Variants in CACNA1E observed in about 807,000 individuals in gnomAD.
CACNA1E encodes voltage-dependent R-type calcium channel subunit alpha-1E.
In CACNA1E, 40 loss-of-function variants were observed where a neutral mutation model predicts 259.2. The ratio of observed to expected loss-of-function variants is 0.15; its 90% CI spans 0.12 to 0.20. CACNA1E has a LOEUF of 0.20. Among genes scored for constraint, CACNA1E ranks in the 10% least tolerant of loss-of-function variants. The probability of loss-of-function intolerance (pLI) is 1.00; values close to 1 mark genes in which losing one functional copy is unlikely to be tolerated. For missense variants in CACNA1E, 1,874 were observed against 3,040.1 expected, an observed-to-expected ratio of 0.62 and a Z score of 9.02; for synonymous variants, 1,104 against 1,138.5, an observed-to-expected ratio of 0.97 and a Z score of 0.61.
At chr1:181,680,918 A>G (rs1214301198) in intron 7 of CACNA1E, among the ~76,000 whole-genome samples, 2 of 152,212 alleles carry the variant, frequency 1.3e-5, no homozygotes, top group Admixed American at 1.3e-4. Flanking sequence ...GGTGTCACAC[A>G]GGGACTCAGG....
At chr1:181,496,025 G>A (rs1008794058) in intron 1 of CACNA1E, among the ~76,000 whole-genome samples, 7 of 152,184 alleles carry the variant, frequency 4.6e-5, no homozygotes, top group African/African-American at 1.7e-4. Flanking sequence ...CACAGTAAGA[G>A]CTGGAGGCCT....
At chr1:181,542,435 C>T (rs1668655092) in intron 3 of CACNA1E, among the ~76,000 whole-genome samples, 1 of 152,142 alleles carries the variant, frequency 6.6e-6, no homozygotes, top group African/African-American at 2.4e-5. Context: ...ACCCAAATCT[C>T]ATCTTGAATT....
At chr1:181,685,045 G>C (rs1057340341) in intron 7 of CACNA1E, among the ~76,000 whole-genome samples, 1 of 151,966 alleles carries the variant, frequency 6.6e-6, no homozygotes, top group Non-Finnish European at 1.5e-5. Flanking sequence ...TTTTCAAACT[G>C]TAAAGTGGCT....
intron 1 of CACNA1E, among the ~76,000 whole-genome samples, chr1:181,322,499 G>A (rs1043800340): frequency 6.6e-6 from 1 of 152,170 alleles, no homozygotes; most frequent in Admixed American, 6.5e-5. Flanking sequence ...TTGTTTATGT[G>A]CAAATAAAGT....
chr1:181,343,501 G>A (rs545116475), intron 1 of CACNA1E, among the ~76,000 whole-genome samples: 5 of 151,896 alleles, frequency 3.3e-5, no homozygotes, highest in East Asian at 2.0e-4. Flanking sequence ...CCCTTCTACC[G>A]TGACTGTAAG....
intron 1 of CACNA1E, among the ~76,000 whole-genome samples, chr1:181,349,802 G>T (rs906201592): frequency 1.6e-4 from 24 of 152,074 alleles, no homozygotes; most frequent in Non-Finnish European, 2.6e-4. Context: ...GGGTATTGTG[G>T]ACAAGCCTCC....
chr1:181,515,829 C>T (rs775522220), intron 3 of CACNA1E, among the ~76,000 whole-genome samples: 1 of 152,196 alleles, frequency 6.6e-6, no homozygotes, highest in Non-Finnish European at 1.5e-5. Flanking sequence ...ATGCCCAGTG[C>T]CTGGCATATA....
At chr1:181,768,996 A>G (rs1490224719) in intron 35 of CACNA1E, among the ~76,000 whole-genome samples, 1 of 152,256 alleles carries the variant, frequency 6.6e-6, no homozygotes, top group African/African-American at 2.4e-5. Context: ...GGACCTTTGC[A>G]GAAGAATCGG....
intron 6 of CACNA1E, among the ~76,000 whole-genome samples, chr1:181,582,153 G>T (rs1162911309): frequency 6.6e-6 from 1 of 152,220 alleles, no homozygotes; most frequent in Non-Finnish European, 1.5e-5. Flanking sequence ...CTGAAGCTTT[G>T]CAGAAAAGAG....
chr1:181,525,558 T>A (rs927784378), intron 3 of CACNA1E, among the ~76,000 whole-genome samples: 1 of 152,256 alleles, frequency 6.6e-6, no homozygotes, highest in South Asian at 2.1e-4. Context: ...TGGATATCAC[T>A]ACTGGTTAAC....
intron 6 of CACNA1E, among the ~76,000 whole-genome samples, chr1:181,585,559 G>A (rs1045501426): frequency 6.6e-6 from 1 of 152,210 alleles, no homozygotes; most frequent in African/African-American, 2.4e-5. Context: ...GATAGTGATA[G>A]ATGCTGTGGA....
chr1:181,487,838 C>T (rs1419704962), intron 1 of CACNA1E, among the ~76,000 whole-genome samples: 2 of 152,174 alleles, frequency 1.3e-5, no homozygotes, highest in African/African-American at 4.8e-5. Context: ...GGCTTGGAGA[C>T]TCTATGCCAG....
At chr1:181,646,453 G>T (rs1211892253) in intron 6 of CACNA1E, among the ~76,000 whole-genome samples, 1 of 152,274 alleles carries the variant, frequency 6.6e-6, no homozygotes, top group East Asian at 1.9e-4. Flanking sequence ...TCTGGAGCAG[G>T]TGTTCCCCAG....
chr1:181,405,713 C>T (rs1657416232), intron 1 of CACNA1E, among the ~76,000 whole-genome samples: 1 of 152,224 alleles, frequency 6.6e-6, no homozygotes, highest in Admixed American at 6.5e-5. Context: ...TACTACATTT[C>T]TGCTCTCCAG....
chr1:181,545,519 G>A (rs142926710), intron 3 of CACNA1E, among the ~76,000 whole-genome samples: 10 of 152,248 alleles, frequency 6.6e-5, no homozygotes, highest in Admixed American at 3.9e-4. Flanking sequence ...ACACTGAGGT[G>A]GGAGATTTCC....
chr1:181,458,832 TCCATCC>T (rs1661621825), intron 2 of CACNA1E, among the ~76,000 whole-genome samples: 1 of 62,912 alleles, frequency 1.6e-5, no homozygotes, highest in African/African-American at 1.0e-4. Flanking sequence ...TACCCATCCA[TCCATCC>T]ATCCATCCAT....
At chr1:181,346,843 T>G (rs965170579) in intron 1 of CACNA1E, among the ~76,000 whole-genome samples, 13 of 152,130 alleles carry the variant, frequency 8.5e-5, no homozygotes, top group African/African-American at 3.1e-4. Context: ...AGCTGCTGAC[T>G]CCTGCCTTGG....
At chr1:181,785,267 T>G in intron 41 of CACNA1E, 51 bp from the exon 42 acceptor site, 4 of 1,057,162 alleles carry the variant, frequency 3.8e-6, no homozygotes, top group South Asian at 2.6e-5. Flanking sequence ...TTCCTCACTC[T>G]CTCCCATTAT....
chr1:181,595,454 C>T (rs902604035), intron 6 of CACNA1E, among the ~76,000 whole-genome samples: 20 of 152,292 alleles, frequency 1.3e-4, no homozygotes, highest in Non-Finnish European at 2.2e-4. Flanking sequence ...GCGGGGCTGG[C>T]GTAGTCAGCA....
Sources: gnomAD v4.1 joint callset for allele counts (sites outside exome capture counted in the v4.1 genomes callset) on GRCh38, gnomAD v4.1.1 for gene constraint, MANE v1.5 for transcripts, NCBI Gene and HGNC (gene_info 2026-07-23, HGNC 2026-07-21) for gene names.